LDB2: variants seen among roughly 807,000 people sequenced by gnomAD.
LDB2 encodes LIM domain binding 2.
Under a neutral mutation model 44.3 loss-of-function variants are expected in LDB2, and 12 were observed. The ratio of observed to expected loss-of-function variants is 0.27; its 90% CI spans 0.17 to 0.44. The LOEUF (loss-of-function observed/expected upper bound fraction) is 0.44, where lower values mean the gene tolerates loss of function less well. LDB2 is among the 20% of genes least tolerant of loss of function. LDB2 has a pLI of 1.00. For missense variants in LDB2, 344 were observed against 473.5 expected, an observed-to-expected ratio of 0.73 and a Z score of 2.54; for synonymous variants, 164 against 174.8, an observed-to-expected ratio of 0.94 and a Z score of 0.49.
chr4:16,819,090 GC>G (rs57303984), intron 1 of LDB2, among the ~76,000 whole-genome samples: 2,501 of 54,898 alleles, frequency 0.046, 78 homozygotes, highest in African/African-American at 0.11. Flanking sequence ...AGTTGTGGTT[GC>G]TTGTGTGTGT....
intron 2 of LDB2, among the ~76,000 whole-genome samples, chr4:16,613,900 A>G (rs547588176): frequency 1.9e-4 from 29 of 152,372 alleles, no homozygotes; most frequent in African/African-American, 6.5e-4. Context: ...CATTCTTCAC[A>G]GAATTAGAAA....
intron 2 of LDB2, among the ~76,000 whole-genome samples, chr4:16,743,200 G>T (rs13114561): frequency 2.0e-5 from 3 of 152,136 alleles, no homozygotes; most frequent in Non-Finnish European, 2.9e-5. Context: ...TGAGGCATGA[G>T]AATTGCTTGA....
At chr4:16,656,838 A>G (rs1248874328) in intron 2 of LDB2, among the ~76,000 whole-genome samples, 3 of 152,238 alleles carry the variant, frequency 2.0e-5, no homozygotes, top group Non-Finnish European at 4.4e-5. Context: ...GAGGATACCT[A>G]TGTAAATCAT....
At chr4:16,713,912 A>C (rs1297878602) in intron 2 of LDB2, among the ~76,000 whole-genome samples, 1 of 152,192 alleles carries the variant, frequency 6.6e-6, no homozygotes, top group African/African-American at 2.4e-5. Flanking sequence ...TTCTGTGTGG[A>C]TGTCCATTGA....
chr4:16,502,863 A>G lies in LDB2; in HGVS notation c.902T>C (p.Val301Ala), dbSNP rs763632591. Residue 301 changes from valine (V) to alanine (A), a missense_variant, in exon 8 of 8, where the codon GTG becomes GCG. Val to Ala is a moderately conservative substitution (Grantham distance 64). This residue lies in a region of LDB2 where 86 missense variants were observed against 171.2 expected (regional missense o/e 0.50). Transcript: ENST00000304523. ...TCCCATCAGAGTTGGCTCTCCTACCACCATCACATCCTGTGAACAGCAGCT... is the reference window on the plus strand; with the variant it reads ...TCCCATCAGAGTTGGCTCTCCTACCGCCATCACATCCTGTGAACAGCAGCT... ...SLSSQVPDVM[V>A]VGEPTLMGGE... is the part of the protein sequence containing the mutation. 7 of 1,613,736 alleles carry G rather than the reference A, an allele frequency of 4.3e-6. No homozygotes were observed. Among genetic ancestry groups the G allele is most frequent in the Non-Finnish European group, 5.9e-6 (7 of 1,179,872 alleles).
intron 1 of LDB2, among the ~76,000 whole-genome samples, chr4:16,833,799 C>G (rs944622713): frequency 2.6e-5 from 4 of 152,166 alleles, no homozygotes; most frequent in Non-Finnish European, 4.4e-5. Flanking sequence ...CTTTAGCTCC[C>G]CAAAGTGCTG....
chr4:16,545,146 C>A (rs1735290049), intron 5 of LDB2, among the ~76,000 whole-genome samples: 1 of 151,286 alleles, frequency 6.6e-6, no homozygotes, highest in African/African-American at 2.4e-5. Context: ...TTCTCCCTCT[C>A]TCCCTCCCTG....
intron 5 of LDB2, among the ~76,000 whole-genome samples, chr4:16,518,096 C>A (rs7690190): frequency 0.39 from 58,657 of 152,100 alleles, 11,608 homozygotes; most frequent in Middle Eastern, 0.5. Flanking sequence ...CCTGGCCAGG[C>A]AGGAAGCTCT....
At chr4:16,572,174 A>T (rs1322638023) in intron 5 of LDB2, among the ~76,000 whole-genome samples, 2 of 152,174 alleles carry the variant, frequency 1.3e-5, no homozygotes, top group African/African-American at 4.8e-5. Context: ...TCAAAAATAA[A>T]TTCAAACAAC....
chr4:16,580,414 G>T (rs1020066849), intron 5 of LDB2, among the ~76,000 whole-genome samples: 1 of 152,142 alleles, frequency 6.6e-6, no homozygotes, highest in African/African-American at 2.4e-5. Context: ...AATTAGGAGA[G>T]GATAAAAATT....
At chr4:16,773,688 C>A (rs545404906) in intron 1 of LDB2, among the ~76,000 whole-genome samples, 1 of 152,168 alleles carries the variant, frequency 6.6e-6, no homozygotes, top group South Asian at 2.1e-4. Flanking sequence ...CTGTTAGGAA[C>A]CCGTACTCCC....
chr4:16,816,794 T>C (rs1187348389), intron 1 of LDB2, among the ~76,000 whole-genome samples: 3 of 151,890 alleles, frequency 2.0e-5, no homozygotes, highest in South Asian at 4.2e-4. Flanking sequence ...CACAGCCAAA[T>C]CTCATTCTCT....
At chr4:16,568,408 T>C (rs1056572003) in intron 5 of LDB2, among the ~76,000 whole-genome samples, 23 of 152,230 alleles carry the variant, frequency 1.5e-4, no homozygotes, top group Admixed American at 5.9e-4. Flanking sequence ...AGAATGGACA[T>C]TGAGGGTAAG....
intron 1 of LDB2, among the ~76,000 whole-genome samples, chr4:16,778,755 T>C (rs1029267179): frequency 6.6e-6 from 1 of 152,242 alleles, no homozygotes; most frequent in African/African-American, 2.4e-5. Context: ...TAAGGGTAGA[T>C]AATGTTGTCA....
chr4:16,784,502 C>T (rs924111491), intron 1 of LDB2, among the ~76,000 whole-genome samples: 1 of 152,134 alleles, frequency 6.6e-6, no homozygotes, highest in African/African-American at 2.4e-5. Context: ...TTGTGAAGAA[C>T]CTCAGATATT....
At chr4:16,589,179 T>A (rs1718023387) in intron 3 of LDB2, among the ~76,000 whole-genome samples, 1 of 152,256 alleles carries the variant, frequency 6.6e-6, no homozygotes. Context: ...TTCATCATCC[T>A]TCAACCATAG....
chr4:16,800,005 T>C (rs1362879794), intron 1 of LDB2, among the ~76,000 whole-genome samples: 1 of 152,196 alleles, frequency 6.6e-6, no homozygotes, highest in Non-Finnish European at 1.5e-5. Flanking sequence ...TCAAATGGTA[T>C]TATATACCGA....
chr4:16,617,851 G>A (rs189516475), intron 2 of LDB2, among the ~76,000 whole-genome samples: 13 of 152,272 alleles, frequency 8.5e-5, no homozygotes, highest in Admixed American at 7.8e-4. Flanking sequence ...ATGGAGAGAA[G>A]GAGGAACACT....
chr4:16,895,778 T>A (rs1178485518), intron 1 of LDB2, among the ~76,000 whole-genome samples: 1 of 152,140 alleles, frequency 6.6e-6, no homozygotes, highest in South Asian at 2.1e-4. Flanking sequence ...TTGTATTTTA[T>A]CCCAACCAAT....
Sources: allele counts gnomAD v4.1 joint callset (sites outside exome capture counted in the v4.1 genomes callset), GRCh38; gene constraint gnomAD v4.1.1; regional missense constraint gnomAD v4.1.1; transcripts MANE v1.5; gene names NCBI Gene and HGNC (gene_info 2026-07-23, HGNC 2026-07-21).